The following CDH2 variants were observed in gnomAD, a reference collection of about 807,000 sequenced individuals.
CDH2 encodes cadherin 2, also known as cadherin-2.
CDH2 carries 17 observed loss-of-function variants against 92.0 expected under a neutral mutation model. The ratio of observed to expected loss-of-function variants is 0.18; its 90% confidence interval spans 0.13 to 0.28. The LOEUF is 0.28. Ranked by LOEUF, CDH2 falls within the 10% of genes least tolerant of loss-of-function variation. CDH2 has a pLI of 1.00. For synonymous variants in CDH2, 419 were observed against 415.9 expected (o/e 1.01, Z -0.09); for missense variants, 862 against 1,133.1 (o/e 0.76, Z 3.44).
At chr18:28,102,852 T>C (rs1405997016) in intron 2 of CDH2, among the ~76,000 whole-genome samples, 4 of 151,820 alleles carry the variant, frequency 2.6e-5, no homozygotes, top group East Asian at 1.9e-4. Flanking sequence ...CTACAGTTTA[T>C]GGTGAGCAAT....
At chr18:28,008,608 G>C (rs562955954) in intron 5 of CDH2, among the ~76,000 whole-genome samples, 36 of 152,194 alleles carry the variant, frequency 2.4e-4, no homozygotes, top group Non-Finnish European at 3.7e-4. Flanking sequence ...GGTGGGATGA[G>C]GGGGGAAGGA....
At chr18:28,143,642 G>T (rs1011689315) in intron 2 of CDH2, among the ~76,000 whole-genome samples, 1 of 150,478 alleles carries the variant, frequency 6.6e-6, no homozygotes, top group African/African-American at 2.5e-5. Flanking sequence ...GTGGCCACAA[G>T]ACACCTGGAT....
chr18:28,119,882 T>G (rs1456714538), intron 2 of CDH2, among the ~76,000 whole-genome samples: 1 of 151,960 alleles, frequency 6.6e-6, no homozygotes, highest in Non-Finnish European at 1.5e-5. Context: ...GCCTGCTGCT[T>G]GGACAGTGAA....
chr18:27,999,150 G>A (rs916490595), intron 7 of CDH2, among the ~76,000 whole-genome samples: 2 of 152,112 alleles, frequency 1.3e-5, no homozygotes, highest in South Asian at 2.1e-4. Context: ...CAGAGGAAAC[G>A]GGAACAGAAG....
intron 1 of CDH2, among the ~76,000 whole-genome samples, chr18:28,153,331 T>C (rs950084306): frequency 1.3e-5 from 2 of 152,156 alleles, no homozygotes; most frequent in African/African-American, 4.8e-5. Flanking sequence ...TGATTTTGGG[T>C]CCTTAGGGGG....
chr18:27,963,614 G>A, intron 14 of CDH2, 93 bp from the exon 15 acceptor site: 1 of 1,071,456 alleles, frequency 9.3e-7, no homozygotes, highest in South Asian at 1.5e-5. Flanking sequence ...AGAACACATA[G>A]AAATGAGGAA....
At chr18:28,166,090 G>A (rs1480982126) in intron 1 of CDH2, among the ~76,000 whole-genome samples, 1 of 137,710 alleles carries the variant, frequency 7.3e-6, no homozygotes, top group Non-Finnish European at 1.5e-5. Flanking sequence ...CTTTGGAGGT[G>A]GACAGGTCTC....
intron 15 of CDH2, among the ~76,000 whole-genome samples, chr18:27,960,049 A>ACAC (rs773010323): frequency 3.2e-5 from 2 of 63,232 alleles, no homozygotes; most frequent in Admixed American, 1.3e-4. Context: ...CACACACACA[A>ACAC]ACACACACTC....
At chr18:28,068,518 T>A (rs2014553794) in intron 2 of CDH2, among the ~76,000 whole-genome samples, 1 of 152,018 alleles carries the variant, frequency 6.6e-6, no homozygotes, top group Admixed American at 6.6e-5. Context: ...GTACAAAACA[T>A]CAACAAATTA....
At chr18:28,093,705 C>T (rs1319834378) in intron 2 of CDH2, among the ~76,000 whole-genome samples, 1 of 152,168 alleles carries the variant, frequency 6.6e-6, no homozygotes, top group Non-Finnish European at 1.5e-5. Flanking sequence ...ATACATTTTC[C>T]TCGACATATT....
intron 2 of CDH2, among the ~76,000 whole-genome samples, chr18:28,108,823 C>G (rs755664087): frequency 6.6e-6 from 1 of 151,172 alleles, no homozygotes; most frequent in Non-Finnish European, 1.5e-5. Flanking sequence ...TTTTCTTAAC[C>G]TCACGTAGAA....
intron 2 of CDH2, among the ~76,000 whole-genome samples, chr18:28,122,400 C>CTTTTTGTT (rs2015605157): frequency 6.6e-6 from 1 of 152,048 alleles, no homozygotes; most frequent in Non-Finnish European, 1.5e-5. Context: ...TAGGAGTTTT[C>CTTTTTGTT]TTTTTGTTTT....
chr18:27,969,380 T>A (rs1197251977), intron 14 of CDH2, among the ~76,000 whole-genome samples: 1 of 152,232 alleles, frequency 6.6e-6, no homozygotes, highest in Admixed American at 6.5e-5. Context: ...TCTGCCCCTG[T>A]GGCTTACTGT....
chr18:27,937,156 C>T (rs1326315760), intron 6 of CDH2, among the ~76,000 whole-genome samples: 4 of 152,076 alleles, frequency 2.6e-5, no homozygotes, highest in Admixed American at 1.3e-4. Context: ...ACATTAAAAG[C>T]TTGAAATTTT....
Position 27,983,057 on chromosome 18 carries a change from T to C in CDH2, c.2236A>G (p.Met746Val). 6.2e-7 allele frequency: 1 copy of C among 1,613,024 alleles called. No individual in the cohort carries two copies. The highest frequency in any genetic ancestry group is 1.7e-5 in the Admixed American group (1 of 59,946). Residue 746 changes from methionine (M) to valine (V), a missense_variant, in exon 14 of 16, where the codon ATG becomes GTG. By Grantham distance (21) the Met-to-Val change is conservative. Around this residue, in one of 5 missense-constraint regions of CDH2, gnomAD observed 564 missense variants for 722.2 expected, o/e 0.78. Transcript: ENST00000269141. ...TGGCGTTCTTTATCCCGGCGTTTCA[T>C]CCATACCACAAACATCAGCACAAGG... The part of the protein sequence containing the change: ...LILVLMFVVW[M>V]KRRDKERQAK...
chr18:28,020,370 T>C (rs1033921564), intron 2 of CDH2, among the ~76,000 whole-genome samples: 11 of 152,002 alleles, frequency 7.2e-5, no homozygotes, highest in East Asian at 3.9e-4. Context: ...AAAATAAAAA[T>C]AGTACATAGA....
chr18:28,003,000 T>C lies in CDH2; in HGVS notation c.1017A>G (p.Arg339=). 5.0e-6 allele frequency: 8 copies of C among 1,613,118 alleles called. No homozygotes were observed. The highest frequency in any genetic ancestry group is 6.8e-6 in the Non-Finnish European group (8 of 1,179,184). Residue 339 remains arginine, a synonymous_variant, in exon 7 of 16, where the codon CGA becomes CGG. Coordinates refer to ENST00000269141, the MANE Select transcript of CDH2 (RefSeq NM_001792.5). ...DIITVAAGLD[R]EKVQQYTLII... ...ATAGAGTTTTTGGTTGGCTTACTTCTCGATCAAGTCCAGCTGCCACTGTGA... is the reference window on the plus strand; with the variant it reads ...ATAGAGTTTTTGGTTGGCTTACTTCCCGATCAAGTCCAGCTGCCACTGTGA...
At chr18:28,126,120 C>A (rs143071346) in intron 2 of CDH2, among the ~76,000 whole-genome samples, 3 of 152,032 alleles carry the variant, frequency 2.0e-5, no homozygotes, top group East Asian at 3.9e-4. Flanking sequence ...TAGGAAATAT[C>A]CAGATGTATA....
At position 27,972,161 on chromosome 18, in the gene CDH2, A is replaced by AT. The variant is rs199731016; in HGVS notation, c.2350-8641dup. ...ATTTAGCTCCAGACTGTATACTCAG[A>AT]TTTTTTTTTAATAACTTGGCTGCTT... On this transcript the variant is annotated intron_variant, in intron 14 of 15. Coordinates refer to ENST00000269141, the MANE Select transcript of CDH2 (RefSeq NM_001792.5). 8.6e-5 allele frequency among the ~76,000 whole-genome samples: 13 copies of AT among 151,606 alleles called. No homozygotes were observed. The East Asian group carries it at 1.2e-3, about 14-fold the overall frequency.
Sources: allele counts gnomAD v4.1 joint callset (sites outside exome capture counted in the v4.1 genomes callset), GRCh38; gene constraint gnomAD v4.1.1; regional missense constraint gnomAD v4.1.1; transcripts MANE v1.5; gene names NCBI Gene and HGNC (gene_info 2026-07-23, HGNC 2026-07-21).